CARMIL1: variants seen among roughly 807,000 people sequenced by gnomAD.
The protein encoded by CARMIL1 is capping protein regulator and myosin 1 linker 1.
Under a neutral mutation model 177.1 loss-of-function variants are expected in CARMIL1, and 90 were observed. The observed-to-expected ratio is 0.51, with a 90% CI of 0.43 to 0.61. The LOEUF is 0.61. Among genes scored for constraint, CARMIL1 ranks in the 20% least tolerant of loss-of-function variants. CARMIL1 has a pLI of 0.00. For missense variants in CARMIL1, 1,380 were observed against 1,667.0 expected (o/e 0.83, Z 3.00); for synonymous variants, 577 against 606.2 (o/e 0.95, Z 0.71).
At chr6:25,450,520 C>G (rs1798679135) in intron 7 of CARMIL1, 111 bp downstream of exon 7, 2 of 1,117,118 alleles carry the variant, frequency 1.8e-6, no homozygotes, top group Admixed American at 2.1e-5. Flanking sequence ...CACTTAAAAT[C>G]TTCACTTCTC....
intron 25 of CARMIL1, among the ~76,000 whole-genome samples, chr6:25,538,756 C>G (rs1375202684): frequency 6.6e-6 from 1 of 152,058 alleles, no homozygotes; most frequent in African/African-American, 2.4e-5. Context: ...CTTCCTGTGC[C>G]CCTAGAAAGT....
Position 25,619,541 on chromosome 6 carries a change from T to G in CARMIL1, c.4074T>G (p.Asn1358Lys). 6.2e-7 allele frequency: 1 copy of G among 1,613,938 alleles called. No homozygotes were observed. Among genetic ancestry groups the G allele is most frequent in the Non-Finnish European group, 8.5e-7 (1 of 1,179,874 alleles). The change falls in exon 37 of 37, where the codon AAT (asparagine) becomes AAG (lysine). Residue 1358 changes from asparagine (N) to lysine (K), a missense_variant. Asn to Lys is a moderately conservative substitution (Grantham distance 94). Transcript: ENST00000329474. ...SKDGHQGSKS[N>K]DSGEEAEKEF... is the part of the protein sequence containing the mutation. ...ATGGCCATCAAGGCAGCAAATCTAATGACTCCGGGGAAGAAGCAGAAAAAG... is the reference window on the plus strand; with the variant it reads ...ATGGCCATCAAGGCAGCAAATCTAAGGACTCCGGGGAAGAAGCAGAAAAAG...
intron 2 of CARMIL1, among the ~76,000 whole-genome samples, chr6:25,364,828 G>C (rs1182898490): frequency 6.6e-6 from 1 of 152,188 alleles, no homozygotes; most frequent in Admixed American, 6.5e-5. Context: ...GCCTCCCAAA[G>C]TGCTGGGGTG....
At chr6:25,556,096 A>C (rs961043874) in intron 28 of CARMIL1, among the ~76,000 whole-genome samples, 2 of 152,222 alleles carry the variant, frequency 1.3e-5, no homozygotes, top group Non-Finnish European at 2.9e-5. Flanking sequence ...AACGTTCTCA[A>C]AGTTTCCGTG....
chr6:25,288,471 G>A (rs1056028377), intron 2 of CARMIL1, among the ~76,000 whole-genome samples: 1 of 147,664 alleles, frequency 6.8e-6, no homozygotes, highest in East Asian at 2.0e-4. Flanking sequence ...ACAATGTTAA[G>A]AATCAGGTTT....
chr6:25,528,471 G>C (rs1212393636), intron 23 of CARMIL1, among the ~76,000 whole-genome samples: 1 of 152,210 alleles, frequency 6.6e-6, no homozygotes, highest in East Asian at 1.9e-4. Flanking sequence ...GAGAAGGATT[G>C]AGATTGTGTG....
intron 2 of CARMIL1, among the ~76,000 whole-genome samples, chr6:25,333,471 C>T (rs71555193): frequency 0.13 from 20,486 of 152,108 alleles, 1,409 homozygotes; most frequent in Middle Eastern, 0.19. Context: ...GAGGCTGAGG[C>T]AGGGGCATCG....
chr6:25,459,249 T>TCTTTCTTTCTTTCTTTCTTC, intron 8 of CARMIL1, among the ~76,000 whole-genome samples: 1 of 117,626 alleles, frequency 8.5e-6, no homozygotes, highest in East Asian at 2.8e-4. Context: ...TTTCTTTCTT[T>TCTTTCTTTCTTTCTTTCTTC]CTTTCTTTCT....
chr6:25,431,591 A>G (rs1182661237), intron 4 of CARMIL1, among the ~76,000 whole-genome samples: 1 of 151,856 alleles, frequency 6.6e-6, no homozygotes, highest in Non-Finnish European at 1.5e-5. Context: ...ATGATTTGAG[A>G]GCTGGGATGG....
intron 4 of CARMIL1, among the ~76,000 whole-genome samples, chr6:25,427,434 T>C (rs1048409652): frequency 1.3e-5 from 2 of 152,198 alleles, no homozygotes; most frequent in Non-Finnish European, 2.9e-5. Flanking sequence ...GTGGCTATAT[T>C]ACAGTTCGTT....
At position 25,491,966 on chromosome 6, in the gene CARMIL1, C is replaced by T. The variant is rs767214192; in HGVS notation, c.1162C>T (p.Arg388Cys). The change falls in exon 15 of 37, where the codon CGT (arginine) becomes TGT (cysteine). Residue 388 changes from arginine (R) to cysteine (C), a missense_variant. Physicochemically the swap from Arg to Cys is radical, Grantham distance 180. Coordinates refer to ENST00000329474, the MANE Select transcript of CARMIL1 (RefSeq NM_017640.6). ...TTTTCAGGTCTGTGGAGCTCTTCTCCGTGGATGCCTTCAATATTTAGCTGT... is the reference window on the plus strand; with the variant it reads ...TTTTCAGGTCTGTGGAGCTCTTCTCTGTGGATGCCTTCAATATTTAGCTGT... The part of the protein sequence containing the change: ...SLDMVCGALL[R>C]GCLQYLAVLN... 5.1e-5 allele frequency: 83 copies of T among 1,613,310 alleles called. 1 individual carries two copies. The highest frequency in any genetic ancestry group is 4.7e-4 in the South Asian group (43 of 91,042).
intron 23 of CARMIL1, 96 bp downstream of exon 23, chr6:25,520,433 T>A (rs1258779723): frequency 2.9e-6 from 2 of 693,528 alleles, no homozygotes; most frequent in Non-Finnish European, 4.8e-6. Flanking sequence ...TTTTACGAAG[T>A]TTTTTTAAAT....
Position 25,326,716 on chromosome 6 carries a change from G to A in CARMIL1, c.138+41807G>A, listed in dbSNP as rs545330445. 1.5e-4 allele frequency among the ~76,000 whole-genome samples: 23 copies of A among 152,344 alleles called. No individual in the cohort carries two copies. Among genetic ancestry groups the A allele is most frequent in the African/African-American group, 5.5e-4 (23 of 41,582 alleles). On this transcript the variant is annotated intron_variant, in intron 2 of 36. Coordinates refer to ENST00000329474, the MANE Select transcript of CARMIL1 (RefSeq NM_017640.6). The surrounding 1 kb of genome is among the most constrained non-coding windows in gnomAD (Gnocchi z 4.2). Reference sequence around the variant, plus strand: ...AACCACTGGTCTAGGGATTGCTGGAGGAGATGGTAAGCAGTAGATGGATTC... The same window carrying A: ...AACCACTGGTCTAGGGATTGCTGGAAGAGATGGTAAGCAGTAGATGGATTC...
rs558495023 is a variant in CARMIL1, at chr6:25,367,304, AAAAC to A, written c.139-52802_139-52799del. On this transcript the variant is annotated intron_variant, in intron 2 of 36. Coordinates refer to ENST00000329474, the MANE Select transcript of CARMIL1 (RefSeq NM_017640.6). Reference sequence around the variant, plus strand: ...GGGTATCCCTATAGATGCTGGTTAAAAAACAAACAAAGCAATGTTGTCATTGACA... The same window carrying A: ...GGGTATCCCTATAGATGCTGGTTAAAAAACAAAGCAATGTTGTCATTGACA... Among the ~76,000 whole-genome samples, 68 of 152,310 alleles carry A rather than the reference AAAAC, an allele frequency of 4.5e-4. No homozygotes were observed. In the South Asian group the frequency reaches 4.6e-3, roughly 10 times the overall value.
At chr6:25,552,193 C>T (rs1028888) in intron 27 of CARMIL1, among the ~76,000 whole-genome samples, 2,965 of 152,126 alleles carry the variant, frequency 0.019, 71 homozygotes, top group African/African-American at 0.058. Flanking sequence ...TAAACTCTAG[C>T]CCTTCACTAG....
At chr6:25,317,151 TC>T (rs1366850905) in intron 2 of CARMIL1, among the ~76,000 whole-genome samples, 1 of 152,138 alleles carries the variant, frequency 6.6e-6, no homozygotes, top group African/African-American at 2.4e-5. Flanking sequence ...ATGCTTTCTT[TC>T]TTTTTTTGGG....
At chr6:25,335,113 G>T (rs1240004669) in intron 2 of CARMIL1, among the ~76,000 whole-genome samples, 1 of 152,162 alleles carries the variant, frequency 6.6e-6, no homozygotes, top group African/African-American at 2.4e-5. Context: ...TCCTGCATGG[G>T]GTTATGCTTT....
intron 2 of CARMIL1, among the ~76,000 whole-genome samples, chr6:25,410,671 A>G (rs1794822088): frequency 1.3e-5 from 2 of 152,132 alleles, no homozygotes; most frequent in Admixed American, 6.5e-5. Flanking sequence ...ATTGGAGTCA[A>G]TTTGTTCCAC....
rs773206327 is a variant in CARMIL1, at chr6:25,556,883, T to C, written c.2742+33T>C. On this transcript the variant is annotated intron_variant, in intron 29 of 36. Coordinates refer to ENST00000329474, the MANE Select transcript of CARMIL1 (RefSeq NM_017640.6). Reference sequence around the variant, plus strand: ...ACATCCTCTGGTGGTACCGTTACCCTTTTCACTGGACTGTGCCATTGTTTT... The same window carrying C: ...ACATCCTCTGGTGGTACCGTTACCCCTTTCACTGGACTGTGCCATTGTTTT... 6 of 1,605,406 alleles carry C rather than the reference T, an allele frequency of 3.7e-6. No individual in the cohort carries two copies. In the East Asian group the frequency reaches 1.1e-4, roughly 30 times the overall value.
Sources: allele counts gnomAD v4.1 joint callset (sites outside exome capture counted in the v4.1 genomes callset), GRCh38; gene constraint gnomAD v4.1.1; non-coding constraint Gnocchi (gnomAD v3.1); transcripts MANE v1.5; gene names NCBI Gene and HGNC (gene_info 2026-07-23, HGNC 2026-07-21).